DENND1A: variants seen among roughly 807,000 people sequenced by gnomAD.
DENND1A encodes DENN domain-containing protein 1A.
Under a neutral mutation model 113.7 loss-of-function variants are expected in DENND1A, and 51 were observed. The observed-to-expected ratio is 0.45, with a 90% CI of 0.36 to 0.57. DENND1A has a LOEUF of 0.57. Among genes scored for constraint, DENND1A ranks in the 20% least tolerant of loss-of-function variants. The pLI is 0.00. For missense variants in DENND1A, 1,258 were observed against 1,395.9 expected, an observed-to-expected ratio of 0.90 and a Z score of 1.57; for synonymous variants, 565 against 570.8, an observed-to-expected ratio of 0.99 and a Z score of 0.14.
chr9:123,664,223 T>G (rs947029987), intron 8 of DENND1A, among the ~76,000 whole-genome samples: 2 of 152,216 alleles, frequency 1.3e-5, no homozygotes, highest in Non-Finnish European at 2.9e-5. Flanking sequence ...CACCTAAACC[T>G]GATAGATTTT....
intron 21 of DENND1A, among the ~76,000 whole-genome samples, chr9:123,392,479 G>T (rs1233052024): frequency 6.6e-6 from 1 of 152,074 alleles, no homozygotes; most frequent in Non-Finnish European, 1.5e-5. Context: ...TCTTGGCTAC[G>T]CTGTGTCCCT....
At chr9:123,550,068 C>A (rs1323057955) in intron 13 of DENND1A, among the ~76,000 whole-genome samples, 1 of 152,224 alleles carries the variant, frequency 6.6e-6, no homozygotes, top group Non-Finnish European at 1.5e-5. Flanking sequence ...GAAAGCCAGG[C>A]TATCAATCTG....
chr9:123,663,491 T>G lies in DENND1A; in HGVS notation c.507+3535A>C, dbSNP rs1189250923. On this transcript the variant is annotated intron_variant, in intron 8 of 23. Transcript: ENST00000394215. ...ATGCTCTATTTTGAAATTTTTGGTG[T>G]GATTTAGTACATGATCAATTCTTAT... Among the ~76,000 whole-genome samples the G allele has an allele frequency of 2.0e-5, 3 of 152,230 alleles. No individual in the cohort carries two copies. In the East Asian group the frequency reaches 5.8e-4, roughly 29 times the overall value.
At chr9:123,647,753 C>T (rs374159043) in intron 9 of DENND1A, among the ~76,000 whole-genome samples, 24 of 152,048 alleles carry the variant, frequency 1.6e-4, no homozygotes, top group African/African-American at 3.9e-4. Flanking sequence ...TTCATTGATC[C>T]GATCGATATT....
chr9:123,427,886 C>T (rs745488296), intron 19 of DENND1A, among the ~76,000 whole-genome samples: 9 of 152,194 alleles, frequency 5.9e-5, no homozygotes, highest in Non-Finnish European at 1.2e-4. Flanking sequence ...TAGGAAGTGA[C>T]AGTCACTTTC....
intron 6 of DENND1A, among the ~76,000 whole-genome samples, chr9:123,672,705 C>G (rs1013087972): frequency 3.3e-5 from 5 of 152,140 alleles, no homozygotes; most frequent in African/African-American, 9.7e-5. Context: ...TCTTGAGTAC[C>G]GCATGGTATG....
At chr9:123,511,796 G>A (rs368162809) in intron 13 of DENND1A, among the ~76,000 whole-genome samples, 1 of 152,234 alleles carries the variant, frequency 6.6e-6, no homozygotes. Flanking sequence ...AGCGCCAGGC[G>A]GGAATGGGGA....
chr9:123,665,611 A>T (rs2063455531), intron 8 of DENND1A, among the ~76,000 whole-genome samples: 1 of 152,208 alleles, frequency 6.6e-6, no homozygotes, highest in Non-Finnish European at 1.5e-5. Flanking sequence ...CGACACTTGG[A>T]AAAATTTCCT....
intron 5 of DENND1A, among the ~76,000 whole-genome samples, chr9:123,693,863 C>T (rs989560867): frequency 4.0e-5 from 6 of 149,466 alleles, no homozygotes; most frequent in Non-Finnish European, 8.9e-5. Flanking sequence ...GAATCTCTCT[C>T]TTTCACCAGG....
At chr9:123,517,354 C>T (rs2054024156) in intron 13 of DENND1A, among the ~76,000 whole-genome samples, 1 of 151,948 alleles carries the variant, frequency 6.6e-6, no homozygotes, top group African/African-American at 2.4e-5. Flanking sequence ...GGCATGGTGG[C>T]TCATGCCTGT....
chr9:123,757,866 G>A (rs750010584), intron 4 of DENND1A, 44 bp from the exon 5 acceptor site: 1 of 1,579,830 alleles, frequency 6.3e-7, no homozygotes, highest in Admixed American at 1.7e-5. Context: ...TGTGCAGTAA[G>A]TTTCTTGATA....
At chr9:123,592,565 T>C (rs2059507031) in intron 11 of DENND1A, among the ~76,000 whole-genome samples, 2 of 152,200 alleles carry the variant, frequency 1.3e-5, no homozygotes, top group South Asian at 4.1e-4. Context: ...TCTGGGGGGC[T>C]GGTAATATTT....
chr9:123,640,034 C>A (rs1304577938), intron 9 of DENND1A, among the ~76,000 whole-genome samples: 1 of 152,160 alleles, frequency 6.6e-6, no homozygotes. Flanking sequence ...GGAAGTTGAG[C>A]TCTGGATTCT....
At chr9:123,840,524 A>T (rs560207757) in intron 2 of DENND1A, among the ~76,000 whole-genome samples, 2 of 152,344 alleles carry the variant, frequency 1.3e-5, no homozygotes, top group East Asian at 3.9e-4. Flanking sequence ...CAGAGTTATT[A>T]TAAGTTTTAC....
At chr9:123,408,141 T>G (rs1375006609) in intron 20 of DENND1A, among the ~76,000 whole-genome samples, 1 of 152,124 alleles carries the variant, frequency 6.6e-6, no homozygotes, top group South Asian at 2.1e-4. Context: ...TGCACTTCTG[T>G]CTGGAAAGTT....
chr9:123,751,614 A>G (rs2070041058), intron 5 of DENND1A: 2 of 152,270 alleles, frequency 1.3e-5, no homozygotes, highest in Admixed American at 1.3e-4. Flanking sequence ...CTACCGGATA[A>G]ATCTAAAATC....
chr9:123,690,050 A>C (rs915186111), intron 5 of DENND1A, among the ~76,000 whole-genome samples: 1 of 121,410 alleles, frequency 8.2e-6, no homozygotes, highest in African/African-American at 3.0e-5. Context: ...GGGAAGAAGG[A>C]AAGGAGGGAG....
At chr9:123,634,469 T>G (rs866168403) in intron 9 of DENND1A, among the ~76,000 whole-genome samples, 1 of 152,380 alleles carries the variant, frequency 6.6e-6, no homozygotes, top group Non-Finnish European at 1.5e-5. Context: ...TAATGCACTC[T>G]GTTCTATAAA....
In DENND1A at chr9:123,458,876, C is replaced by T. The variant is rs568531429; in HGVS notation, c.994-979G>A. ...CTTAGGAAAGCTGAGGCAGGAGAAT[C>T]GCTTGAACCTGGAGGCAGAGGTTGC... On this transcript the variant is annotated intron_variant, in intron 13 of 23. Coordinates refer to ENST00000394215, the MANE Select transcript of DENND1A (RefSeq NM_001352964.2). Among the ~76,000 whole-genome samples the T allele has an allele frequency of 3.9e-5, 6 of 152,268 alleles. No individual in the cohort carries two copies. In the South Asian group the frequency reaches 8.3e-4, roughly 21 times the overall value.
Sources: allele counts gnomAD v4.1 joint callset (sites outside exome capture counted in the v4.1 genomes callset), GRCh38; gene constraint gnomAD v4.1.1; transcripts MANE v1.5; gene names NCBI Gene and HGNC (gene_info 2026-07-23, HGNC 2026-07-21).